RABGAP1L: variants seen among roughly 807,000 people sequenced by gnomAD.
RABGAP1L encodes the protein rab GTPase-activating protein 1-like.
Under a neutral mutation model 137.7 loss-of-function variants are expected in RABGAP1L, and 63 were observed. The ratio of observed to expected loss-of-function variants is 0.46; its 90% CI spans 0.37 to 0.56. The LOEUF is 0.56. RABGAP1L is among the 20% of genes least tolerant of loss of function. The pLI is 0.00. For missense variants in RABGAP1L, 1,095 were observed against 1,244.0 expected, an observed-to-expected ratio of 0.88 and a Z score of 1.80; for synonymous variants, 431 against 433.7, an observed-to-expected ratio of 0.99 and a Z score of 0.08.
chr1:174,308,974 A>C (rs1678560526), intron 11 of RABGAP1L, among the ~76,000 whole-genome samples: 1 of 151,986 alleles, frequency 6.6e-6, no homozygotes, highest in African/African-American at 2.4e-5. Context: ...TAGTATAGAC[A>C]TTTAAACATA....
intron 10 of RABGAP1L, among the ~76,000 whole-genome samples, chr1:174,280,812 C>G (rs1244429905): frequency 1.3e-5 from 2 of 152,202 alleles, no homozygotes; most frequent in Non-Finnish European, 2.9e-5. Flanking sequence ...GGTTCTTGGT[C>G]TTGCTGACTT....
intron 13 of RABGAP1L, among the ~76,000 whole-genome samples, chr1:174,614,726 A>C (rs923214282): frequency 1.3e-5 from 2 of 152,202 alleles, no homozygotes; most frequent in African/African-American, 2.4e-5. Flanking sequence ...AATCAGACGT[A>C]GATTTGGTCT....
chr1:174,361,635 T>C (rs1469014472), intron 11 of RABGAP1L, among the ~76,000 whole-genome samples: 1 of 152,204 alleles, frequency 6.6e-6, no homozygotes, highest in African/African-American at 2.4e-5. Context: ...TTATTTTGTA[T>C]CCTGAAACTT....
intron 13 of RABGAP1L, among the ~76,000 whole-genome samples, chr1:174,626,524 A>G (rs886724039): frequency 3.1e-4 from 47 of 152,066 alleles, no homozygotes; most frequent in African/African-American, 1.1e-3. Context: ...TATGGCTTAT[A>G]TTTTTGACCA....
chr1:174,181,636 C>T (rs1199835018), intron 1 of RABGAP1L, among the ~76,000 whole-genome samples: 1 of 152,166 alleles, frequency 6.6e-6, no homozygotes, highest in Non-Finnish European at 1.5e-5. Flanking sequence ...CATGCCCAGC[C>T]TGTACAAGGG....
At chr1:174,719,531 T>C (rs971667959) in intron 17 of RABGAP1L, among the ~76,000 whole-genome samples, 2 of 152,206 alleles carry the variant, frequency 1.3e-5, no homozygotes, top group East Asian at 1.9e-4. Flanking sequence ...CTTGAAAAAA[T>C]TGGTTGTTGG....
intron 13 of RABGAP1L, among the ~76,000 whole-genome samples, chr1:174,617,502 T>G (rs1301989209): frequency 6.6e-6 from 1 of 152,346 alleles, no homozygotes; most frequent in East Asian, 1.9e-4. Context: ...GAACAAATCC[T>G]TCTGTTCTTA....
chr1:174,774,026 C>G (rs1385764874), intron 18 of RABGAP1L, among the ~76,000 whole-genome samples: 4 of 152,142 alleles, frequency 2.6e-5, no homozygotes, highest in Admixed American at 6.5e-5. Context: ...TGATAACTCA[C>G]TGTGGGAATC....
chr1:174,414,701 A>G (rs1162080965), intron 13 of RABGAP1L, among the ~76,000 whole-genome samples: 3 of 152,168 alleles, frequency 2.0e-5, no homozygotes, highest in Non-Finnish European at 2.9e-5. Context: ...TTTAAGTTAT[A>G]TACCATAGCT....
At chr1:174,393,860 G>A (rs1385103312) in intron 12 of RABGAP1L, 135 bp from the exon 13 acceptor site, 2 of 910,430 alleles carry the variant, frequency 2.2e-6, no homozygotes, top group African/African-American at 1.7e-5. Flanking sequence ...CAGTACTATT[G>A]TTTAATGCCC....
Position 174,854,715 on chromosome 1 carries a change from CTTTTTTTTTTTTTTTTTTTTTTTTTT to C in RABGAP1L, c.2340+42775_2340+42800del, listed in dbSNP as rs71117584. Among the ~76,000 whole-genome samples the C allele has an allele frequency of 3.4e-3, 195 of 56,864 alleles. 6 individuals are homozygous for C. Among genetic ancestry groups the C allele is most frequent in the African/African-American group, 0.011 (147 of 13,632 alleles). The allele number at this position is 56,864 out of a possible 152,430, so 37.3% of individuals were successfully genotyped here. On this transcript the variant is annotated intron_variant, in intron 19 of 25. Transcript: ENST00000681986. ...AACTGCAATAGACTCAATATAAATG[CTTTTTTTTTTTTTTTTTTTTTTTTTT>C]TTTTTTTTTTTTTTTTTTTGAGACG...
At chr1:174,389,349 C>T (rs544014006) in intron 12 of RABGAP1L, among the ~76,000 whole-genome samples, 1 of 151,706 alleles carries the variant, frequency 6.6e-6, no homozygotes, top group Non-Finnish European at 1.5e-5. Flanking sequence ...TATCTCATAG[C>T]CACCTACTTC....
chr1:174,811,734 A>G lies in RABGAP1L; in HGVS notation c.2212-98A>G, dbSNP rs904417670. 4 of 1,232,142 alleles carry G rather than the reference A, an allele frequency of 3.2e-6. No homozygotes were observed. The African/African-American group carries it at 4.7e-5, about 14-fold the overall frequency. The allele number at this position is 1,232,142 out of a possible 1,614,324, so 76.3% of individuals were successfully genotyped here. ...TTTGGAACTAACTTAGATCTTAGCT[A>G]TAAAAGTATATTCAAGAAAATATAA... On this transcript the variant is annotated intron_variant, in intron 18 of 25. Coordinates refer to ENST00000681986, the MANE Select transcript of RABGAP1L (RefSeq NM_001366446.1).
At chr1:174,178,160 C>T (rs1030772317) in intron 1 of RABGAP1L, among the ~76,000 whole-genome samples, 1 of 152,116 alleles carries the variant, frequency 6.6e-6, no homozygotes, top group African/African-American at 2.4e-5. Flanking sequence ...TTTCCTTGAG[C>T]AGTGGTTTGT....
rs1378603814 is a variant in RABGAP1L, at chr1:174,730,476, G to GA, written c.2170-21831dup. Among the ~76,000 whole-genome samples, 26 of 152,190 alleles carry GA rather than the reference G, an allele frequency of 1.7e-4. No individual in the cohort carries two copies. The East Asian group carries it at 3.7e-3, about 21-fold the overall frequency. ...TCCCCTGAATCTAAAATAAAAGTCG[G>GA]AAAAAACCCCAAACAAATTAGCCCC... On this transcript the variant is annotated intron_variant, in intron 17 of 25. Transcript: ENST00000681986.
chr1:174,399,850 A>G (rs1648336146), intron 13 of RABGAP1L, among the ~76,000 whole-genome samples: 1 of 152,196 alleles, frequency 6.6e-6, no homozygotes, highest in African/African-American at 2.4e-5. Flanking sequence ...AACCGCCCCC[A>G]TGATTCGGTT....
chr1:174,646,048 T>C (rs1367861675), intron 14 of RABGAP1L, among the ~76,000 whole-genome samples: 3 of 152,042 alleles, frequency 2.0e-5, no homozygotes, highest in Non-Finnish European at 4.4e-5. Context: ...CACTTTTTGA[T>C]GGGGTTGTTT....
At chr1:174,802,518 A>G (rs1688848579) in intron 18 of RABGAP1L, among the ~76,000 whole-genome samples, 1 of 152,144 alleles carries the variant, frequency 6.6e-6, no homozygotes, top group Admixed American at 6.5e-5. Flanking sequence ...GAGACAGGAG[A>G]ATTGCTTGAA....
intron 20 of RABGAP1L, among the ~76,000 whole-genome samples, chr1:174,963,761 A>G (rs1349656014): frequency 1.3e-5 from 2 of 152,062 alleles, no homozygotes; most frequent in African/African-American, 2.4e-5. Context: ...TTTATAGTGT[A>G]TGGCTGGTTT....
Sources: allele counts gnomAD v4.1 joint callset (sites outside exome capture counted in the v4.1 genomes callset), GRCh38; gene constraint gnomAD v4.1.1; transcripts MANE v1.5; gene names NCBI Gene and HGNC (gene_info 2026-07-23, HGNC 2026-07-21).